The following SLC9A9 variants were observed in gnomAD, a reference collection of about 807,000 sequenced individuals.
The protein encoded by SLC9A9 is solute carrier family 9 member A9.
SLC9A9 carries 62 observed loss-of-function variants against 77.8 expected under a neutral mutation model. The ratio of observed to expected loss-of-function variants is 0.80; its 90% CI spans 0.65 to 0.98. The LOEUF is 0.98. Ranked by LOEUF, SLC9A9 falls within the 50% of genes least tolerant of loss-of-function variation. The pLI is 0.00. For synonymous variants in SLC9A9, 320 were observed against 283.5 expected, an observed-to-expected ratio of 1.13 and a Z score of -1.29; for missense variants, 775 against 774.9, an observed-to-expected ratio of 1.00 and a Z score of 0.00.
At chr3:143,752,239 A>C (rs1047606407) in intron 4 of SLC9A9, among the ~76,000 whole-genome samples, 1 of 152,202 alleles carries the variant, frequency 6.6e-6, no homozygotes, top group Admixed American at 6.5e-5. Context: ...ACAGCAGTCC[A>C]CCTTTATCTC....
intron 4 of SLC9A9, among the ~76,000 whole-genome samples, chr3:143,722,468 A>G (rs542479433): frequency 8.4e-4 from 81 of 96,592 alleles, no homozygotes; most frequent in Non-Finnish European, 1.3e-3. Flanking sequence ...GCGAGACTCC[A>G]TCTCAAAAAA....
At chr3:143,333,647 A>G (rs1003993190) in intron 14 of SLC9A9, among the ~76,000 whole-genome samples, 3 of 148,426 alleles carry the variant, frequency 2.0e-5, no homozygotes. Flanking sequence ...TTGCCTAGCA[A>G]CAAAGAATGC....
intron 12 of SLC9A9, among the ~76,000 whole-genome samples, chr3:143,427,759 C>T (rs1433581648): frequency 6.6e-6 from 1 of 152,196 alleles, no homozygotes; most frequent in African/African-American, 2.4e-5. Flanking sequence ...GCTGCTAGCA[C>T]TTAATGCTGA....
At chr3:143,708,202 G>A (rs757359193) in intron 4 of SLC9A9, among the ~76,000 whole-genome samples, 81 of 152,250 alleles carry the variant, frequency 5.3e-4, no homozygotes, top group Non-Finnish European at 1.1e-3. Context: ...CTGATTGTGT[G>A]TCTATCATAT....
At chr3:143,780,847 G>T (rs567415032) in intron 4 of SLC9A9, among the ~76,000 whole-genome samples, 1 of 152,184 alleles carries the variant, frequency 6.6e-6, no homozygotes, top group African/African-American at 2.4e-5. Flanking sequence ...GAAATATCTG[G>T]TATATACTAT....
At chr3:143,671,434 C>T (rs2039152186) in intron 5 of SLC9A9, among the ~76,000 whole-genome samples, 1 of 152,152 alleles carries the variant, frequency 6.6e-6, no homozygotes, top group Non-Finnish European at 1.5e-5. Context: ...TTGAGATAAT[C>T]TTAAAATTTG....
chr3:143,417,835 T>A (rs866088892), intron 12 of SLC9A9, among the ~76,000 whole-genome samples: 1 of 152,000 alleles, frequency 6.6e-6, no homozygotes, highest in Non-Finnish European at 1.5e-5. Flanking sequence ...TCCCCCCATA[T>A]GGCCATGGAA....
chr3:143,498,120 C>T (rs1335281297), intron 9 of SLC9A9, among the ~76,000 whole-genome samples: 1 of 152,164 alleles, frequency 6.6e-6, no homozygotes, highest in African/African-American at 2.4e-5. Flanking sequence ...TCTAACACTT[C>T]CCAGCATTAC....
chr3:143,659,961 C>T (rs1031750091), intron 5 of SLC9A9, among the ~76,000 whole-genome samples: 10 of 152,160 alleles, frequency 6.6e-5, no homozygotes, highest in South Asian at 2.1e-4. Context: ...AGGGAAGTTC[C>T]GGTACACAAG....
intron 12 of SLC9A9, among the ~76,000 whole-genome samples, chr3:143,384,718 C>T (rs2033381338): frequency 2.6e-5 from 4 of 152,190 alleles, no homozygotes; most frequent in African/African-American, 7.2e-5. Context: ...CCTCCTCCCA[C>T]ATCTCATCTC....
intron 5 of SLC9A9, among the ~76,000 whole-genome samples, chr3:143,679,849 A>C (rs1184086205): frequency 6.6e-6 from 1 of 152,230 alleles, no homozygotes; most frequent in Non-Finnish European, 1.5e-5. Context: ...AAGTATACTA[A>C]ATACACTTAA....
chr3:143,292,695 A>T (rs2030066314), intron 14 of SLC9A9, among the ~76,000 whole-genome samples: 5 of 152,110 alleles, frequency 3.3e-5, no homozygotes, highest in Admixed American at 3.3e-4. Flanking sequence ...CCATAATGCT[A>T]TGCAAACATG....
At chr3:143,670,478 T>G (rs1430518124) in intron 5 of SLC9A9, among the ~76,000 whole-genome samples, 1 of 152,184 alleles carries the variant, frequency 6.6e-6, no homozygotes, top group East Asian at 1.9e-4. Flanking sequence ...TGACTGTGAC[T>G]CTAAGGGTTA....
chr3:143,820,154 G>A (rs1219336009), intron 2 of SLC9A9, among the ~76,000 whole-genome samples: 1 of 152,178 alleles, frequency 6.6e-6, no homozygotes, highest in Admixed American at 6.5e-5. Flanking sequence ...AGCATAGGAT[G>A]GTTAATTATC....
At chr3:143,785,997 C>CA (rs574829740) in intron 4 of SLC9A9, among the ~76,000 whole-genome samples, 2,530 of 151,682 alleles carry the variant, frequency 0.017, 67 homozygotes, top group African/African-American at 0.058. Flanking sequence ...GCTGGGACTA[C>CA]AGGCACGCGC....
chr3:143,401,157 T>C (rs1433122027), intron 12 of SLC9A9, among the ~76,000 whole-genome samples: 1 of 152,176 alleles, frequency 6.6e-6, no homozygotes, highest in Non-Finnish European at 1.5e-5. Context: ...GGCAGGATAC[T>C]GGAAGGAGAG....
chr3:143,362,772 G>A (rs1296085058), intron 14 of SLC9A9, among the ~76,000 whole-genome samples: 1 of 152,170 alleles, frequency 6.6e-6, no homozygotes, highest in East Asian at 1.9e-4. Flanking sequence ...TTTTGCCTGG[G>A]ATTAGAGATG....
At chr3:143,665,853 C>A (rs2039056461) in intron 5 of SLC9A9, among the ~76,000 whole-genome samples, 1 of 152,064 alleles carries the variant, frequency 6.6e-6, no homozygotes, top group Non-Finnish European at 1.5e-5. Context: ...GCCTACCAAC[C>A]AAAAAAGTCC....
chr3:143,514,980 A>T (rs1179567317), intron 9 of SLC9A9, among the ~76,000 whole-genome samples: 2 of 152,152 alleles, frequency 1.3e-5, no homozygotes, highest in Non-Finnish European at 2.9e-5. Context: ...CTGCCTTTTG[A>T]CATGCCTTCC....
Sources: gnomAD v4.1 joint callset for allele counts (sites outside exome capture counted in the v4.1 genomes callset) on GRCh38, gnomAD v4.1.1 for gene constraint, MANE v1.5 for transcripts, NCBI Gene and HGNC (gene_info 2026-07-23, HGNC 2026-07-21) for gene names.